The following CERS6 variants were observed in gnomAD, a reference collection of about 807,000 sequenced individuals.
The protein encoded by CERS6 is LAG1 homolog, ceramide synthase 6.
A neutral mutation model predicts 56.8 loss-of-function variants in CERS6; 26 were observed. That is an observed-to-expected ratio of 0.46 (90% CI 0.34 to 0.63). CERS6 has a LOEUF of 0.63. Among genes scored for constraint, CERS6 ranks in the 30% least tolerant of loss-of-function variants. CERS6 has a pLI of 0.01. For missense variants in CERS6, 415 were observed against 467.5 expected, an observed-to-expected ratio of 0.89 and a Z score of 1.04; for synonymous variants, 164 against 173.3, an observed-to-expected ratio of 0.95 and a Z score of 0.42.
At chr2:168,499,314 A>G (rs963756988) in intron 1 of CERS6, among the ~76,000 whole-genome samples, 1 of 152,180 alleles carries the variant, frequency 6.6e-6, no homozygotes, top group African/African-American at 2.4e-5. Flanking sequence ...GGACTTATCT[A>G]TATGTTTTTC....
At chr2:168,463,779 C>T (rs1452549771) in intron 1 of CERS6, among the ~76,000 whole-genome samples, 1 of 152,012 alleles carries the variant, frequency 6.6e-6, no homozygotes, top group African/African-American at 2.4e-5. Context: ...TGTGGTGTTG[C>T]TCACCTGTAG....
chr2:168,706,193 G>A (rs1353933583), intron 6 of CERS6, among the ~76,000 whole-genome samples: 1 of 152,216 alleles, frequency 6.6e-6, no homozygotes, highest in Non-Finnish European at 1.5e-5. Context: ...GAGGCATGAA[G>A]GAGGACTCCA....
chr2:168,624,459 GA>G (rs1684545461), intron 3 of CERS6, among the ~76,000 whole-genome samples: 1 of 152,080 alleles, frequency 6.6e-6, no homozygotes, highest in South Asian at 2.1e-4. Flanking sequence ...AGTACGATGG[GA>G]ATGATAGTGG....
intron 3 of CERS6, among the ~76,000 whole-genome samples, chr2:168,564,262 A>G (rs1001826397): frequency 2.0e-5 from 3 of 151,038 alleles, no homozygotes; most frequent in African/African-American, 7.3e-5. Context: ...ATTTGCTTCC[A>G]CTCCTGACTT....
intron 3 of CERS6, among the ~76,000 whole-genome samples, chr2:168,605,912 A>G (rs1256838458): frequency 6.6e-6 from 1 of 152,154 alleles, no homozygotes; most frequent in Non-Finnish European, 1.5e-5. Context: ...CTCATGGAGA[A>G]CCTGTACTAG....
At chr2:168,575,217 T>C (rs1683231203) in intron 3 of CERS6, among the ~76,000 whole-genome samples, 1 of 152,162 alleles carries the variant, frequency 6.6e-6, no homozygotes, top group African/African-American at 2.4e-5. Context: ...TCAAAACACA[T>C]AGAGCACTGG....
chr2:168,743,419 G>C (rs1683987537), intron 8 of CERS6, among the ~76,000 whole-genome samples: 1 of 152,042 alleles, frequency 6.6e-6, no homozygotes, highest in Non-Finnish European at 1.5e-5. Context: ...CTGATCACTT[G>C]AGCCTAGGCA....
intron 2 of CERS6, among the ~76,000 whole-genome samples, chr2:168,558,886 T>G (rs1695734654): frequency 1.3e-5 from 2 of 152,034 alleles, no homozygotes; most frequent in Admixed American, 1.3e-4. Flanking sequence ...AAAAAGAAAC[T>G]GATTTAATAA....
At chr2:168,613,583 T>C (rs77404972) in intron 3 of CERS6, among the ~76,000 whole-genome samples, 4,892 of 152,252 alleles carry the variant, frequency 0.032, 229 homozygotes, top group African/African-American at 0.11. Context: ...TCAAGAGAAC[T>C]TAACGGTCTG....
At chr2:168,740,477 A>G (rs1683862698) in intron 8 of CERS6, among the ~76,000 whole-genome samples, 2 of 152,310 alleles carry the variant, frequency 1.3e-5, no homozygotes, top group South Asian at 2.1e-4. Flanking sequence ...GAAGCTTTCT[A>G]TCTAGGAGGG....
intron 2 of CERS6, among the ~76,000 whole-genome samples, chr2:168,558,881 G>T (rs1302954622): frequency 6.6e-6 from 1 of 152,044 alleles, no homozygotes; most frequent in Non-Finnish European, 1.5e-5. Flanking sequence ...ACACAAAAAA[G>T]AAACTGATTT....
At chr2:168,493,965 A>G (rs1343798676) in intron 1 of CERS6, among the ~76,000 whole-genome samples, 1 of 152,076 alleles carries the variant, frequency 6.6e-6, no homozygotes, top group African/African-American at 2.4e-5. Context: ...GACTGCACAG[A>G]CTAAGGATGA....
intron 1 of CERS6, among the ~76,000 whole-genome samples, chr2:168,467,478 A>G (rs1693901326): frequency 6.6e-6 from 1 of 152,224 alleles, no homozygotes; most frequent in Non-Finnish European, 1.5e-5. Context: ...TGATAACAGT[A>G]TATTTAAATT....
chr2:168,754,830 T>C (rs2105450251), intron 8 of CERS6, among the ~76,000 whole-genome samples: 1 of 152,294 alleles, frequency 6.6e-6, no homozygotes, highest in Admixed American at 6.5e-5. Flanking sequence ...GGCTTATAGC[T>C]CACTGCAGCC....
chr2:168,647,099 T>C (rs917390161), intron 4 of CERS6, among the ~76,000 whole-genome samples: 1 of 152,242 alleles, frequency 6.6e-6, no homozygotes, highest in Non-Finnish European at 1.5e-5. Flanking sequence ...AGGAATAATA[T>C]TGAACCGGTA....
rs955531528 is a variant in CERS6 at position 168,732,606 on chromosome 2, C to T, written c.845+14628C>T. 3.3e-5 allele frequency among the ~76,000 whole-genome samples: 5 copies of T among 152,234 alleles called. No homozygotes were observed. In the East Asian group the frequency reaches 9.6e-4, roughly 29 times the overall value. ...ATTCTCCTCCATTCTATTATTTTCTCACCCCACATGCTGTCCCTTACAGCT... is the reference window on the plus strand; with the variant it reads ...ATTCTCCTCCATTCTATTATTTTCTTACCCCACATGCTGTCCCTTACAGCT... On this transcript the variant is annotated intron_variant, in intron 8 of 9. Coordinates refer to ENST00000305747, the MANE Select transcript of CERS6 (RefSeq NM_203463.3).
At chr2:168,569,241 T>C (rs1283623119) in intron 3 of CERS6, among the ~76,000 whole-genome samples, 2 of 152,190 alleles carry the variant, frequency 1.3e-5, no homozygotes, top group Non-Finnish European at 2.9e-5. Context: ...ACCAATCATA[T>C]TGGAATAGAG....
At chr2:168,478,537 AC>A (rs1694120387) in intron 1 of CERS6, among the ~76,000 whole-genome samples, 1 of 152,138 alleles carries the variant, frequency 6.6e-6, no homozygotes, top group Non-Finnish European at 1.5e-5. Context: ...TGAACCATAG[AC>A]CATCAGCCTC....
chr2:168,687,979 C>G (rs1251205070), intron 4 of CERS6, among the ~76,000 whole-genome samples: 1 of 152,158 alleles, frequency 6.6e-6, no homozygotes, highest in Non-Finnish European at 1.5e-5. Context: ...GTTGGAATTG[C>G]AGGTGTGAGC....
Sources: allele counts gnomAD v4.1 joint callset (sites outside exome capture counted in the v4.1 genomes callset), GRCh38; gene constraint gnomAD v4.1.1; transcripts MANE v1.5; gene names NCBI Gene and HGNC (gene_info 2026-07-23, HGNC 2026-07-21).